The following MSRB2 variants were observed in gnomAD, a reference collection of about 807,000 sequenced individuals.
MSRB2 encodes methionine sulfoxide reductase B2.
Under a neutral mutation model 19.0 loss-of-function variants are expected in MSRB2, and 17 were observed. The observed-to-expected ratio is 0.89, with a 90% CI of 0.61 to 1.34. MSRB2 has a LOEUF of 1.34. Ranked by LOEUF, MSRB2 falls within the 40% of genes most tolerant of loss-of-function variation. The pLI, the probability that MSRB2 is intolerant of heterozygous loss-of-function variation, is 0.00. For missense variants in MSRB2, 208 were observed against 237.6 expected, an observed-to-expected ratio of 0.88 and a Z score of 0.82; for synonymous variants, 107 against 99.7, an observed-to-expected ratio of 1.07 and a Z score of -0.44.
rs766327588 is a variant in MSRB2 at position 23,120,747 on chromosome 10, G to A, written c.445-11G>A. The A allele has an allele frequency of 6.8e-6, 11 of 1,607,014 alleles. No individual in the cohort carries two copies. The highest frequency in any genetic ancestry group is 1.7e-4 in the Middle Eastern group (1 of 6,034). On this transcript the variant is annotated splice_polypyrimidine_tract_variant and intron_variant, in intron 4 of 4. Transcript: ENST00000376510. ...GCATTTGGAGATGACAGAGGCTTCT[G>A]TCCTTTGCAGTGTGAAGCTCATCTA... is the stretch of plus-strand genomic sequence containing the variant.
At chr10:23,107,090 C>T (rs1588969048) in intron 2 of MSRB2, among the ~76,000 whole-genome samples, 1 of 152,318 alleles carries the variant, frequency 6.6e-6, no homozygotes, top group African/African-American at 2.4e-5. Flanking sequence ...ACTGCTCTGC[C>T]TGAGCAGGAG....
chr10:23,102,143 C>T (rs545222619), intron 1 of MSRB2, among the ~76,000 whole-genome samples: 2 of 152,306 alleles, frequency 1.3e-5, no homozygotes, highest in Non-Finnish European at 1.5e-5. Flanking sequence ...CTCCCCAACA[C>T]TGAGACACAC....
At chr10:23,096,350 C>CTG (rs780651477) in intron 1 of MSRB2, among the ~76,000 whole-genome samples, 1,176 of 61,762 alleles carry the variant, frequency 0.019, 9 homozygotes, top group South Asian at 0.072. Flanking sequence ...CTCTCTCTCT[C>CTG]TCTGTGTGTG....
At chr10:23,116,722 T>G (rs1439842209) in intron 3 of MSRB2, among the ~76,000 whole-genome samples, 1 of 152,192 alleles carries the variant, frequency 6.6e-6, no homozygotes, top group Admixed American at 6.5e-5. Flanking sequence ...TGATGGTAGA[T>G]GAGCTGCAAT....
At chr10:23,100,600 T>C (rs1839917237) in intron 1 of MSRB2, among the ~76,000 whole-genome samples, 1 of 152,062 alleles carries the variant, frequency 6.6e-6, no homozygotes, top group East Asian at 1.9e-4. Context: ...AGCAAGCACA[T>C]CTTACATGGT....
intron 3 of MSRB2, among the ~76,000 whole-genome samples, chr10:23,115,827 G>T (rs1387257044): frequency 6.6e-6 from 1 of 152,100 alleles, no homozygotes; most frequent in East Asian, 1.9e-4. Context: ...ATGCTTTAAT[G>T]AGTTTTTATT....
At chr10:23,119,994 A>G (rs1408756235) in intron 4 of MSRB2, among the ~76,000 whole-genome samples, 1 of 152,200 alleles carries the variant, frequency 6.6e-6, no homozygotes, top group Non-Finnish European at 1.5e-5. Context: ...CCTCTCTCTA[A>G]TGTGGCCTTT....
intron 3 of MSRB2, chr10:23,119,049 C>T: frequency 1.7e-6 from 1 of 601,508 alleles, no homozygotes; most frequent in East Asian, 3.6e-5. Context: ...TTTTTAGATC[C>T]TTGTTGGATA....
intron 4 of MSRB2, 59 bp from the exon 5 acceptor site, chr10:23,120,699 G>C: frequency 2.8e-6 from 4 of 1,416,678 alleles, no homozygotes; most frequent in Non-Finnish European, 3.9e-6. Flanking sequence ...CGTCTGTCTG[G>C]TTTTACATAA....
At chr10:23,117,848 C>A (rs1829291626) in intron 3 of MSRB2, among the ~76,000 whole-genome samples, 1 of 152,204 alleles carries the variant, frequency 6.6e-6, no homozygotes, top group African/African-American at 2.4e-5. Context: ...GCTTCCACCT[C>A]CTAAAAAGCT....
intron 3 of MSRB2, 64 bp downstream of exon 3, chr10:23,110,382 C>A: frequency 7.7e-7 from 1 of 1,296,406 alleles, no homozygotes. Flanking sequence ...TGCTTTGTTT[C>A]ATTTGAGATC....
intron 2 of MSRB2, among the ~76,000 whole-genome samples, chr10:23,106,885 T>C (rs530548707): frequency 6.6e-6 from 1 of 152,188 alleles, no homozygotes; most frequent in East Asian, 1.9e-4. Flanking sequence ...CCCTCTTGAG[T>C]GTGTCATCTG....
intron 2 of MSRB2, among the ~76,000 whole-genome samples, chr10:23,108,221 G>A (rs1157336439): frequency 6.6e-6 from 1 of 152,068 alleles, no homozygotes; most frequent in African/African-American, 2.4e-5. Flanking sequence ...GCCTCCCAAA[G>A]TGCTGGGATT....
intron 2 of MSRB2, among the ~76,000 whole-genome samples, chr10:23,109,914 C>T (rs1188300945): frequency 1.3e-5 from 2 of 152,164 alleles, no homozygotes; most frequent in African/African-American, 4.8e-5. Flanking sequence ...AAAAGGGAGA[C>T]CGAAATCTCA....
intron 1 of MSRB2, among the ~76,000 whole-genome samples, chr10:23,100,117 T>C (rs550629465): frequency 6.6e-6 from 1 of 152,346 alleles, no homozygotes; most frequent in African/African-American, 2.4e-5. Flanking sequence ...TCCTCTTACC[T>C]ATCTACAGGA....
intron 4 of MSRB2, among the ~76,000 whole-genome samples, 176 bp downstream of exon 4, chr10:23,119,627 A>G (rs1355180022): frequency 3.3e-5 from 5 of 151,342 alleles, no homozygotes; most frequent in Non-Finnish European, 7.4e-5. Flanking sequence ...TTGTTTTGAG[A>G]CAGTCTCGCT....
chr10:23,097,786 CACTT>C (rs1417384479), intron 1 of MSRB2, among the ~76,000 whole-genome samples: 1 of 152,050 alleles, frequency 6.6e-6, no homozygotes, highest in East Asian at 1.9e-4. Flanking sequence ...CAATGCTTGA[CACTT>C]AGGCACACAA....
chr10:23,108,488 T>TG (rs1328577075), intron 2 of MSRB2, among the ~76,000 whole-genome samples: 1 of 150,938 alleles, frequency 6.6e-6, no homozygotes, highest in Non-Finnish European at 1.5e-5. Context: ...TTTTTTTTTT[T>TG]TTTTTGAGAT....
chr10:23,110,168 GATTT>G, intron 2 of MSRB2, 70 bp from the exon 3 acceptor site: 1 of 1,177,216 alleles, frequency 8.5e-7, no homozygotes, highest in South Asian at 1.3e-5. Flanking sequence ...ACTTACCCAG[GATTT>G]AAATCTGCTG....
Sources: allele counts gnomAD v4.1 joint callset (sites outside exome capture counted in the v4.1 genomes callset), GRCh38; gene constraint gnomAD v4.1.1; transcripts MANE v1.5; gene names NCBI Gene and HGNC (gene_info 2026-07-23, HGNC 2026-07-21).